The following ARHGEF7 variants were observed in gnomAD, a reference collection of about 807,000 sequenced individuals.
The protein encoded by ARHGEF7 is PAK-interacting exchange factor beta.
ARHGEF7 carries 33 observed loss-of-function variants against 109.8 expected under a neutral mutation model. The observed-to-expected ratio is 0.30, with a 90% CI of 0.23 to 0.40. The LOEUF is 0.40. Ranked by LOEUF, ARHGEF7 falls within the 10% of genes least tolerant of loss-of-function variation. The pLI is 1.00. For synonymous variants in ARHGEF7, 458 were observed against 424.6 expected (o/e 1.08, Z -0.97); for missense variants, 938 against 1,098.5 (o/e 0.85, Z 2.07).
intron 1 of ARHGEF7, among the ~76,000 whole-genome samples, chr13:111,139,097 A>C (rs964776499): frequency 6.6e-6 from 1 of 152,188 alleles, no homozygotes; most frequent in Non-Finnish European, 1.5e-5. Flanking sequence ...AAAGTATAGA[A>C]CTGAATAGAA....
rs143718313 is a variant in ARHGEF7 at position 111,294,069 on chromosome 13, A to G, written c.2311+1775A>G. 8.0e-5 allele frequency: 79 copies of G among 985,420 alleles called. No homozygotes were observed. In the African/African-American group the frequency reaches 1.3e-3, roughly 16 times the overall value. 61.0% of individuals were successfully genotyped at this position (985,420 alleles called of 1,614,324 possible). A position where few individuals can be genotyped will look rare whatever the true frequency, so the allele number is the denominator to read the frequency against. On this transcript the variant is annotated intron_variant, in intron 19 of 21. Transcript: ENST00000646102. Reference sequence around the variant, plus strand: ...TGGAAGATTTTGTATTTTCATACCAATTAGTAAAAATAAGAACATTGAGGA... The same window carrying G: ...TGGAAGATTTTGTATTTTCATACCAGTTAGTAAAAATAAGAACATTGAGGA...
chr13:111,211,321 A>C (rs751518987), intron 4 of ARHGEF7, among the ~76,000 whole-genome samples: 1 of 152,206 alleles, frequency 6.6e-6, no homozygotes, highest in Non-Finnish European at 1.5e-5. Context: ...CATGAGGAAA[A>C]CATAAGAGAA....
intron 12 of ARHGEF7, 52 bp downstream of exon 12, chr13:111,275,730 T>G (rs773106989): frequency 3.7e-6 from 6 of 1,610,114 alleles, no homozygotes; most frequent in Non-Finnish European, 5.1e-6. Context: ...TCTTAGGAGC[T>G]CATAGCAGAA....
chr13:111,203,088 T>C, intron 2 of ARHGEF7: 1 of 1,284,588 alleles, frequency 7.8e-7, no homozygotes. Context: ...TATTCTGGGT[T>C]TTGTGACTTG....
intron 1 of ARHGEF7, among the ~76,000 whole-genome samples, chr13:111,126,362 T>A (rs1168881742): frequency 6.6e-6 from 1 of 151,946 alleles, no homozygotes; most frequent in Non-Finnish European, 1.5e-5. Context: ...TGATGGCGGG[T>A]GCCTGTAATC....
At chr13:111,178,966 CCT>C (rs1491102170) in intron 2 of ARHGEF7, among the ~76,000 whole-genome samples, 1 of 152,098 alleles carries the variant, frequency 6.6e-6, no homozygotes, top group Non-Finnish European at 1.5e-5. Context: ...CCGTCCCCCC[CCT>C]TTTTTTTTGT....
chr13:111,297,754 C>T (rs72653568), intron 19 of ARHGEF7, among the ~76,000 whole-genome samples: 16,557 of 152,226 alleles, frequency 0.11, 1,203 homozygotes, highest in Middle Eastern at 0.22. Flanking sequence ...GGAAGTCGAC[C>T]CCGTGTCTGA....
chr13:111,116,743 C>CTTT (rs1419299857), intron 1 of ARHGEF7, among the ~76,000 whole-genome samples: 14 of 152,282 alleles, frequency 9.2e-5, no homozygotes, highest in African/African-American at 3.4e-4. Flanking sequence ...ACGTAAGTGA[C>CTTT]TTGAAAAAGT....
intron 1 of ARHGEF7, among the ~76,000 whole-genome samples, chr13:111,147,690 CT>C (rs11463808): frequency 0.14 from 11,638 of 82,420 alleles, 127 homozygotes; most frequent in Admixed American, 0.2. Context: ...CAGAGGTCAC[CT>C]TTTTTTTTTT....
At chr13:111,277,356 C>T (rs1283642442) in intron 12 of ARHGEF7, among the ~76,000 whole-genome samples, 2 of 152,204 alleles carry the variant, frequency 1.3e-5, no homozygotes, top group Non-Finnish European at 2.9e-5. Context: ...GGAAGTCCTT[C>T]TCTTTACCTA....
At chr13:111,182,218 C>A (rs964322895) in intron 2 of ARHGEF7, 1 of 152,186 alleles carries the variant, frequency 6.6e-6, no homozygotes, top group South Asian at 2.1e-4. Flanking sequence ...GGTCCCTGTT[C>A]GCCGGAGGGT....
At chr13:111,221,796 C>T (rs1209077345) in intron 5 of ARHGEF7, among the ~76,000 whole-genome samples, 1 of 151,126 alleles carries the variant, frequency 6.6e-6, no homozygotes, top group Non-Finnish European at 1.5e-5. Flanking sequence ...CCTCATACAC[C>T]TATGGATTCA....
intron 1 of ARHGEF7, among the ~76,000 whole-genome samples, chr13:111,123,047 C>A (rs1490272624): frequency 6.6e-6 from 1 of 152,182 alleles, no homozygotes; most frequent in African/African-American, 2.4e-5. Context: ...AATTCTCCAA[C>A]CCTCCCATGC....
At chr13:111,139,632 G>A (rs2075258053) in intron 1 of ARHGEF7, among the ~76,000 whole-genome samples, 1 of 152,162 alleles carries the variant, frequency 6.6e-6, no homozygotes, top group Non-Finnish European at 1.5e-5. Flanking sequence ...GAGCACTGGC[G>A]GCAGACAGGG....
chr13:111,217,695 G>A lies in ARHGEF7; in HGVS notation c.485G>A (p.Ser162Asn), dbSNP rs2083305014. The A allele has an allele frequency of 6.2e-7, 1 of 1,613,992 alleles. No individual in the cohort carries two copies. The highest frequency in any genetic ancestry group is 1.7e-5 in the Admixed American group (1 of 60,008). ...QYRSLDMTDNSNNQLVVRAKF... is the reference protein window; with the variant it reads ...QYRSLDMTDNNNNQLVVRAKF... Reference sequence around the variant, plus strand: ...CCCTTTTAGGACATGACCGATAATAGCAACAATCAACTGGTAGTAAGAGCA... The same window carrying A: ...CCCTTTTAGGACATGACCGATAATAACAACAATCAACTGGTAGTAAGAGCA... The change falls in exon 5 of 22, where the codon AGC (serine) becomes AAC (asparagine). Residue 162 changes from serine to asparagine, a missense_variant. Around this residue, in one of 4 missense-constraint regions of ARHGEF7, gnomAD observed 585 missense variants for 723.6 expected, o/e 0.81. Transcript: ENST00000646102.
intron 19 of ARHGEF7, among the ~76,000 whole-genome samples, chr13:111,297,417 T>G (rs929712268): frequency 6.6e-6 from 1 of 152,250 alleles, no homozygotes; most frequent in African/African-American, 2.4e-5. Flanking sequence ...TCGCATGCTT[T>G]AAGTGTAGCT....
At chr13:111,135,252 C>T (rs1329559424) in intron 1 of ARHGEF7, among the ~76,000 whole-genome samples, 1 of 152,068 alleles carries the variant, frequency 6.6e-6, no homozygotes, top group Non-Finnish European at 1.5e-5. Flanking sequence ...CAGCTTTGTT[C>T]TTTTGGCTTA....
rs562390197 is a variant in ARHGEF7 at position 111,303,580 on chromosome 13, G to C, written c.*467G>C. The C allele has an allele frequency of 6.6e-6, 1 of 152,472 alleles. No homozygotes were observed. The highest frequency in any genetic ancestry group is 6.5e-5 in the Admixed American group (1 of 15,316). The allele number at this position is 152,472 out of a possible 1,614,324, so 9.4% of individuals were successfully genotyped here. A position where few individuals can be genotyped will look rare whatever the true frequency, so the allele number is the denominator to read the frequency against. Reference sequence around the variant, plus strand: ...CCGCATCCACCGGAAGCAGAAGCCTGGTGGATGCCTGGTTCGTTCCGCAGC... The same window carrying C: ...CCGCATCCACCGGAAGCAGAAGCCTCGTGGATGCCTGGTTCGTTCCGCAGC... On this transcript the variant is annotated 3_prime_UTR_variant, in exon 22 of 22. Transcript: ENST00000646102.
intron 1 of ARHGEF7, among the ~76,000 whole-genome samples, chr13:111,136,536 TTGAAA>T (rs2075097020): frequency 6.6e-6 from 1 of 152,200 alleles, no homozygotes; most frequent in African/African-American, 2.4e-5. Context: ...AAGATGTTCT[TTGAAA>T]CCAATGAGAA....
Sources: allele counts gnomAD v4.1 joint callset (sites outside exome capture counted in the v4.1 genomes callset), GRCh38; gene constraint gnomAD v4.1.1; regional missense constraint gnomAD v4.1.1; transcripts MANE v1.5; gene names NCBI Gene and HGNC (gene_info 2026-07-23, HGNC 2026-07-21).